Variants in ARMC9 observed in about 807,000 individuals in gnomAD.
The protein encoded by ARMC9 is armadillo repeat containing 9.
A neutral mutation model predicts 107.0 loss-of-function variants in ARMC9; 94 were observed. The ratio of observed to expected loss-of-function variants is 0.88; its 90% confidence interval spans 0.74 to 1.04. The LOEUF (loss-of-function observed/expected upper bound fraction) is 1.04. Among genes scored for constraint, ARMC9 ranks in the 50% least tolerant of loss-of-function variants. ARMC9 has a pLI of 0.00. For synonymous variants in ARMC9, 380 were observed against 396.9 expected (o/e 0.96, Z 0.51); for missense variants, 942 against 1,030.1 (o/e 0.91, Z 1.17).
intron 15 of ARMC9, among the ~76,000 whole-genome samples, chr2:231,277,688 G>A (rs924465947): frequency 2.6e-5 from 4 of 151,184 alleles, no homozygotes; most frequent in South Asian, 2.1e-4. Flanking sequence ...TCAGCCTCCC[G>A]AGTAGCTGGG....
chr2:231,258,481 C>G (rs984523601), intron 10 of ARMC9, among the ~76,000 whole-genome samples: 1 of 151,996 alleles, frequency 6.6e-6, no homozygotes, highest in African/African-American at 2.4e-5. Flanking sequence ...ACGCCCGGCC[C>G]CCGACTGCTT....
rs190662494 is a variant in ARMC9 at position 231,295,256 on chromosome 2, G to C, written c.1718-942G>C. The C allele has an allele frequency of 6.3e-4, 96 of 152,406 alleles. 1 individual carries two copies. Among genetic ancestry groups the C allele is most frequent in the African/African-American group, 2.2e-3 (90 of 41,586 alleles). The allele number at this position is 152,406 out of a possible 1,614,324, so 9.4% of individuals were successfully genotyped here. A position where few individuals can be genotyped will look rare whatever the true frequency, so the allele number is the denominator to read the frequency against. ...GAGGGAGGAGTAAGTCAGCTGCTCT[G>C]TCCCCAGGGACTCACAGTTCAGTGC... On this transcript the variant is annotated intron_variant, in intron 18 of 24. Coordinates refer to ENST00000611582, the MANE Select transcript of ARMC9 (RefSeq NM_001352754.2).
chr2:231,256,543 A>G (rs367798821), intron 9 of ARMC9, 43 bp from the exon 10 acceptor site: 15 of 1,602,780 alleles, frequency 9.4e-6, no homozygotes, highest in African/African-American at 2.7e-5. Context: ...CATTGCTATC[A>G]GTGTTTAACA....
At chr2:231,323,429 G>A (rs540633404) in intron 19 of ARMC9, among the ~76,000 whole-genome samples, 3 of 152,140 alleles carry the variant, frequency 2.0e-5, no homozygotes, top group Non-Finnish European at 2.9e-5. Context: ...ATTTCCCACC[G>A]CAGGTAGTGG....
Position 231,205,247 on chromosome 2 carries a change from A to G in ARMC9, c.-41-951A>G, listed in dbSNP as rs141198704. Among the ~76,000 whole-genome samples the G allele has an allele frequency of 2.7e-3, 408 of 151,550 alleles. 2 individuals are homozygous for G. The highest frequency in any genetic ancestry group is 9.3e-3 in the African/African-American group (384 of 41,278). On this transcript the variant is annotated intron_variant, in intron 1 of 24. Coordinates refer to ENST00000611582, the MANE Select transcript of ARMC9 (RefSeq NM_001352754.2). ...TACCTGGGTATGGTGGCATGCACCTATAGTTCTAGCCACTGGGGAGGCTGA... is the reference window on the plus strand; with the variant it reads ...TACCTGGGTATGGTGGCATGCACCTGTAGTTCTAGCCACTGGGGAGGCTGA...
At chr2:231,354,790 A>C (rs181709313) in intron 21 of ARMC9, among the ~76,000 whole-genome samples, 26 of 152,194 alleles carry the variant, frequency 1.7e-4, no homozygotes, top group African/African-American at 6.3e-4. Flanking sequence ...TAGGTGGCCC[A>C]TATCTCCTTG....
chr2:231,315,007 GAGGCAGGCGGATCATGAGGTC>G (rs1423125564), intron 19 of ARMC9, among the ~76,000 whole-genome samples: 1 of 151,714 alleles, frequency 6.6e-6, no homozygotes, highest in Non-Finnish European at 1.5e-5. Flanking sequence ...TTGGGAGGCC[GAGGCAGGCGGATCATGAGGTC>G]AGGAGTTCAA....
At chr2:231,325,834 T>C (rs1391838641) in intron 19 of ARMC9, among the ~76,000 whole-genome samples, 1 of 152,172 alleles carries the variant, frequency 6.6e-6, no homozygotes, top group East Asian at 1.9e-4. Context: ...GCGGGTCTGC[T>C]AGCACTTGGC....
intron 23 of ARMC9, among the ~76,000 whole-genome samples, chr2:231,361,675 C>A (rs182575928): frequency 6.1e-4 from 93 of 152,222 alleles, no homozygotes; most frequent in African/African-American, 2.1e-3. Context: ...GGGTCTCAGA[C>A]CCTGCCTGTC....
intron 9 of ARMC9, among the ~76,000 whole-genome samples, chr2:231,247,218 G>T (rs562265384): frequency 1.4e-3 from 213 of 152,326 alleles, no homozygotes; most frequent in Non-Finnish European, 2.1e-3. Context: ...GCCTCCCAAA[G>T]TGCTGGGATT....
In ARMC9 at chr2:231,278,414, G is replaced by A. The variant is rs542598901; in HGVS notation, c.1507G>A (p.Val503Met). 39 of 1,614,106 alleles carry A rather than the reference G, an allele frequency of 2.4e-5. No homozygotes were observed. In the East Asian group the frequency reaches 2.7e-4, roughly 11 times the overall value. ...KNMCAKVAGL[V>M]LKVLSDLLGH... ...CATGTGTGCCAAGGTGGCAGGCCTC[G>A]TGCTCAAAGTCCTTTCGGATCTTCT... The change falls in exon 16 of 25, where the codon GTG (valine) becomes ATG (methionine). Residue 503 changes from valine to methionine, a missense_variant. Coordinates refer to ENST00000611582, the MANE Select transcript of ARMC9 (RefSeq NM_001352754.2).
intron 19 of ARMC9, among the ~76,000 whole-genome samples, chr2:231,309,584 G>A (rs2125509252): frequency 6.6e-6 from 1 of 152,188 alleles, no homozygotes; most frequent in Non-Finnish European, 1.5e-5. Context: ...TAGCGTCTGG[G>A]TCTAGAAATA....
At chr2:231,234,442 T>G (rs2035525988) in intron 7 of ARMC9, among the ~76,000 whole-genome samples, 1 of 152,184 alleles carries the variant, frequency 6.6e-6, no homozygotes, top group Non-Finnish European at 1.5e-5. Flanking sequence ...TCTGGATTCT[T>G]GTTTTTCCTA....
intron 12 of ARMC9, among the ~76,000 whole-genome samples, chr2:231,265,955 G>A (rs754234384): frequency 6.6e-6 from 1 of 150,472 alleles, no homozygotes; most frequent in Non-Finnish European, 1.5e-5. Flanking sequence ...CTGAGATTGC[G>A]CCACTGGACT....
chr2:231,214,365 T>A (rs1219337246), intron 3 of ARMC9, among the ~76,000 whole-genome samples: 1 of 152,026 alleles, frequency 6.6e-6, no homozygotes, highest in Non-Finnish European at 1.5e-5. Context: ...ACTGGGTCAG[T>A]GTGTGTGGGC....
At chr2:231,286,947 G>A (rs1267797541) in intron 17 of ARMC9, among the ~76,000 whole-genome samples, 1 of 152,182 alleles carries the variant, frequency 6.6e-6, no homozygotes, top group Non-Finnish European at 1.5e-5. Context: ...CAGATAAGTG[G>A]AGCTGCCCTA....
At chr2:231,243,071 C>G (rs142631705) in intron 9 of ARMC9, among the ~76,000 whole-genome samples, 2 of 152,178 alleles carry the variant, frequency 1.3e-5, no homozygotes, top group African/African-American at 4.8e-5. Flanking sequence ...ATGGTGAAAC[C>G]CTGTCTCTAC....
chr2:231,255,792 C>CT lies in ARMC9; in HGVS notation c.880-791dup, dbSNP rs897997325. On this transcript the variant is annotated intron_variant, in intron 9 of 24. Coordinates refer to ENST00000611582, the MANE Select transcript of ARMC9 (RefSeq NM_001352754.2). The surrounding 1 kb of genome is among the most constrained non-coding windows in gnomAD (Gnocchi z 4.7). ...GTGGCTCACGCCTGTAATCCCAACA[C>CT]TTTGGGAGGCCGAGGTGGGCGGATC... Among the ~76,000 whole-genome samples the CT allele has an allele frequency of 2.7e-4, 41 of 152,194 alleles. No individual in the cohort carries two copies. The highest frequency in any genetic ancestry group is 3.5e-4 in the Non-Finnish European group (24 of 68,032).
intron 9 of ARMC9, among the ~76,000 whole-genome samples, chr2:231,252,799 C>T (rs1016186263): frequency 2.0e-5 from 3 of 151,172 alleles, no homozygotes; most frequent in African/African-American, 4.9e-5. Flanking sequence ...ATCACAACCC[C>T]CTAATTTTTT....
Sources: allele counts gnomAD v4.1 joint callset (sites outside exome capture counted in the v4.1 genomes callset), GRCh38; gene constraint gnomAD v4.1.1; non-coding constraint Gnocchi (gnomAD v3.1); transcripts MANE v1.5; gene names NCBI Gene and HGNC (gene_info 2026-07-23, HGNC 2026-07-21).